TENM4: variants seen among roughly 807,000 people sequenced by gnomAD.
TENM4 encodes the protein teneurin-4.
A neutral mutation model predicts 243.3 loss-of-function variants in TENM4; 82 were observed. That is an observed-to-expected ratio of 0.34 (90% CI 0.28 to 0.40). TENM4 has a LOEUF of 0.40. Among genes scored for constraint, TENM4 ranks in the 10% least tolerant of loss-of-function variants. The pLI is 1.00. For synonymous variants in TENM4, 1,412 were observed against 1,456.3 expected (o/e 0.97, Z 0.69); for missense variants, 3,138 against 3,673.3 (o/e 0.85, Z 3.77).
chr11:78,882,200 C>G (rs1855447629), intron 9 of TENM4, among the ~76,000 whole-genome samples: 1 of 152,188 alleles, frequency 6.6e-6, no homozygotes, highest in Admixed American at 6.5e-5. Flanking sequence ...GCAACAGCAT[C>G]TGAGATCCTG....
intron 5 of TENM4, among the ~76,000 whole-genome samples, chr11:79,069,298 T>A (rs1042933099): frequency 6.6e-6 from 1 of 152,190 alleles, no homozygotes; most frequent in Non-Finnish European, 1.5e-5. Flanking sequence ...AACTAACATT[T>A]ATTCAGCGCT....
chr11:78,752,334 C>G (rs867750172), intron 19 of TENM4, among the ~76,000 whole-genome samples: 12 of 152,178 alleles, frequency 7.9e-5, no homozygotes, highest in African/African-American at 2.7e-4. Flanking sequence ...TGCTTGCTTT[C>G]ACACCCAAGG....
chr11:79,247,043 T>G (rs1314354534), intron 2 of TENM4, among the ~76,000 whole-genome samples: 4 of 148,130 alleles, frequency 2.7e-5, no homozygotes, highest in Non-Finnish European at 5.9e-5. Flanking sequence ...AAGGCTTCTC[T>G]TCTAGAGGGA....
intron 6 of TENM4, among the ~76,000 whole-genome samples, chr11:78,963,918 T>C (rs868131757): frequency 5.3e-5 from 8 of 151,452 alleles, no homozygotes; most frequent in South Asian, 4.2e-4. Flanking sequence ...TTTGTATTTT[T>C]AGTTGAGATG....
At chr11:79,090,454 G>T (rs1860918306) in intron 4 of TENM4, among the ~76,000 whole-genome samples, 1 of 152,260 alleles carries the variant, frequency 6.6e-6, no homozygotes, top group Non-Finnish European at 1.5e-5. Flanking sequence ...GCCTATGGCA[G>T]CAAGTGAAGA....
At position 79,388,921 on chromosome 11, in the gene TENM4, G is replaced by A. The variant is rs1000039967; in HGVS notation, c.-321+51588C>T. Among the ~76,000 whole-genome samples, 2 of 152,158 alleles carry A rather than the reference G, an allele frequency of 1.3e-5. 1 individual carries two copies. Among genetic ancestry groups the A allele is most frequent in the Admixed American group, 1.3e-4 (2 of 15,278 alleles). ...TGTGCATTCCCAGAGGGAACAGTGT[G>A]AGCCAAACCCAGAAATAAGAAAGTA... is the stretch of plus-strand genomic sequence containing the variant. On this transcript the variant is annotated intron_variant, in intron 1 of 33. Coordinates refer to ENST00000278550, the MANE Select transcript of TENM4 (RefSeq NM_001098816.3).
chr11:79,392,322 G>A (rs1254628076), intron 1 of TENM4, among the ~76,000 whole-genome samples: 1 of 152,246 alleles, frequency 6.6e-6, no homozygotes, highest in Non-Finnish European at 1.5e-5. Flanking sequence ...CTTGGAGGCA[G>A]AGGGAGCAAG....
chr11:78,981,080 C>T (rs564849836), intron 6 of TENM4, among the ~76,000 whole-genome samples: 31 of 152,254 alleles, frequency 2.0e-4, no homozygotes, highest in African/African-American at 7.0e-4. Context: ...CACTGACATC[C>T]ATAACCTCAT....
intron 10 of TENM4, among the ~76,000 whole-genome samples, chr11:78,858,179 T>G (rs80241478): frequency 0.013 from 2,001 of 152,250 alleles, 56 homozygotes; most frequent in African/African-American, 0.046. Context: ...AATGAGCGTA[T>G]TTTTAGGAGA....
chr11:79,138,499 A>C (rs1862166497), intron 4 of TENM4, among the ~76,000 whole-genome samples: 1 of 118,432 alleles, frequency 8.4e-6, no homozygotes, highest in Non-Finnish European at 1.6e-5. Flanking sequence ...ATTTATACAT[A>C]ATATATTAAA....
chr11:79,064,560 C>A (rs1347998009), intron 6 of TENM4, 178 bp downstream of exon 6: 10 of 799,860 alleles, frequency 1.3e-5, no homozygotes, highest in Non-Finnish European at 1.8e-5. Flanking sequence ...TGGCATGTCA[C>A]TCATGGGTGG....
chr11:79,291,703 T>G (rs1177096852), intron 2 of TENM4, among the ~76,000 whole-genome samples: 3 of 152,174 alleles, frequency 2.0e-5, no homozygotes, highest in Non-Finnish European at 4.4e-5. Flanking sequence ...GTATTATTAC[T>G]CCAGTGTACA....
chr11:78,660,168 G>A (rs1295209613), intron 33 of TENM4, among the ~76,000 whole-genome samples: 2 of 152,152 alleles, frequency 1.3e-5, no homozygotes, highest in Non-Finnish European at 2.9e-5. Flanking sequence ...TATCTGGGCG[G>A]GGCCTGGAGG....
chr11:79,197,879 T>C lies in TENM4; in HGVS notation c.-163+17929A>G, dbSNP rs192610505. On this transcript the variant is annotated intron_variant, in intron 3 of 33. Coordinates refer to ENST00000278550, the MANE Select transcript of TENM4 (RefSeq NM_001098816.3). Reference sequence around the variant, plus strand: ...AAGGTAGAAGCCTTTCTGCACACACTGTGCTCCCGGTGGAAGGAAAGGAGA... The same window carrying C: ...AAGGTAGAAGCCTTTCTGCACACACCGTGCTCCCGGTGGAAGGAAAGGAGA... 4.0e-3 allele frequency among the ~76,000 whole-genome samples: 611 copies of C among 152,164 alleles called. 8 individuals carry two copies. The South Asian group carries it at 0.041, about 10-fold the overall frequency.
intron 2 of TENM4, among the ~76,000 whole-genome samples, chr11:79,294,086 C>T (rs1014174722): frequency 6.6e-6 from 1 of 152,146 alleles, no homozygotes; most frequent in African/African-American, 2.4e-5. Context: ...CAATCCTAGT[C>T]CTGTCTTTAA....
intron 2 of TENM4, among the ~76,000 whole-genome samples, chr11:79,228,329 C>T (rs749329978): frequency 6.6e-5 from 10 of 152,170 alleles, no homozygotes; most frequent in Non-Finnish European, 1.3e-4. Flanking sequence ...TCACAGGTGG[C>T]CTTTTATTGA....
At chr11:78,729,317 G>A (rs1855595993) in intron 22 of TENM4, 59 bp downstream of exon 22, 3 of 1,501,034 alleles carry the variant, frequency 2.0e-6, no homozygotes, top group Admixed American at 4.3e-5. Flanking sequence ...GAACTAGGGA[G>A]GTAGAAAGAG....
At chr11:79,150,410 T>C (rs1862481799) in intron 3 of TENM4, among the ~76,000 whole-genome samples, 1 of 152,098 alleles carries the variant, frequency 6.6e-6, no homozygotes, top group Non-Finnish European at 1.5e-5. Context: ...AAACACTGTG[T>C]TGAGTTCAAA....
At chr11:78,973,598 G>C (rs930700016) in intron 6 of TENM4, among the ~76,000 whole-genome samples, 1 of 152,030 alleles carries the variant, frequency 6.6e-6, no homozygotes, top group African/African-American at 2.4e-5. Flanking sequence ...CTGTCAGGCA[G>C]TGTTCTAGGC....
Sources: allele counts gnomAD v4.1 joint callset (sites outside exome capture counted in the v4.1 genomes callset), GRCh38; gene constraint gnomAD v4.1.1; transcripts MANE v1.5; gene names NCBI Gene and HGNC (gene_info 2026-07-23, HGNC 2026-07-21).